Variants in ACER2 observed in about 807,000 individuals in gnomAD.
The protein encoded by ACER2 is alkaline ceramidase 2, also known as alkCDase 2.
Under a neutral mutation model 34.7 loss-of-function variants are expected in ACER2, and 26 were observed. The ratio of observed to expected loss-of-function variants is 0.75; its 90% CI spans 0.55 to 1.04. The LOEUF (loss-of-function observed/expected upper bound fraction) is 1.04, where lower values mean the gene tolerates loss of function less well. Among genes scored for constraint, ACER2 ranks in the 50% least tolerant of loss-of-function variants. The pLI is 0.00. For synonymous variants in ACER2, 138 were observed against 132.1 expected, an observed-to-expected ratio of 1.04 and a Z score of -0.31; for missense variants, 352 against 340.8, an observed-to-expected ratio of 1.03 and a Z score of -0.26.
intron 5 of ACER2, among the ~76,000 whole-genome samples, chr9:19,447,955 T>C (rs1056983490): frequency 9.7e-5 from 13 of 133,710 alleles, no homozygotes; most frequent in Non-Finnish European, 2.3e-4. Context: ...CGCACACATA[T>C]ATATGTCTAC....
intron 4 of ACER2, among the ~76,000 whole-genome samples, chr9:19,439,372 G>T (rs1159024512): frequency 7.5e-6 from 1 of 133,776 alleles, no homozygotes; most frequent in Non-Finnish European, 1.6e-5. Context: ...ACGTAGTCTC[G>T]CTCTGTCACC....
chr9:19,446,856 G>A (rs1025766299), intron 5 of ACER2, among the ~76,000 whole-genome samples: 11 of 152,116 alleles, frequency 7.2e-5, no homozygotes, highest in Admixed American at 2.0e-4. Flanking sequence ...GGGCCGCACT[G>A]GCCATTTAGA....
chr9:19,427,909 G>A (rs1326268118), intron 3 of ACER2, among the ~76,000 whole-genome samples: 1 of 152,000 alleles, frequency 6.6e-6, no homozygotes, highest in Non-Finnish European at 1.5e-5. Flanking sequence ...CTTGTGATCT[G>A]CCCACATTGG....
intron 3 of ACER2, among the ~76,000 whole-genome samples, chr9:19,434,312 C>G (rs1830878504): frequency 6.6e-6 from 1 of 151,968 alleles, no homozygotes; most frequent in Admixed American, 6.6e-5. Flanking sequence ...CAGAGGGGCT[C>G]CTCACATCCC....
chr9:19,422,214 T>C (rs1489990169), intron 1 of ACER2, among the ~76,000 whole-genome samples: 6 of 151,358 alleles, frequency 4.0e-5, no homozygotes. Flanking sequence ...GGCAGGAGGC[T>C]CCCTTAAGCC....
chr9:19,448,442 C>G (rs1010718929), intron 5 of ACER2, among the ~76,000 whole-genome samples: 1 of 152,080 alleles, frequency 6.6e-6, no homozygotes, highest in South Asian at 2.1e-4. Context: ...ATAATATGGA[C>G]ACTTTATAAT....
At chr9:19,432,030 C>G (rs372822857) in intron 3 of ACER2, among the ~76,000 whole-genome samples, 22 of 152,264 alleles carry the variant, frequency 1.4e-4, no homozygotes, top group Admixed American at 3.9e-4. Context: ...TCTAGTCCAG[C>G]CTTTTCGTTT....
intron 4 of ACER2, among the ~76,000 whole-genome samples, chr9:19,436,542 T>TA (rs900042441): frequency 3.4e-5 from 4 of 118,800 alleles, no homozygotes; most frequent in East Asian, 2.4e-4. Context: ...TTGCCATCTT[T>TA]AAAAAAAAAT....
intron 5 of ACER2, among the ~76,000 whole-genome samples, chr9:19,446,805 G>T (rs1206107967): frequency 1.3e-5 from 2 of 152,154 alleles, no homozygotes; most frequent in Non-Finnish European, 2.9e-5. Flanking sequence ...GTCCTCAGTG[G>T]GAACCCCACC....
chr9:19,409,321 G>C, intron 1 of ACER2, 129 bp downstream of exon 1: 1 of 813,440 alleles, frequency 1.2e-6, no homozygotes, highest in Non-Finnish European at 1.9e-6. Context: ...GGCTGAGTCA[G>C]TCCACACCCC....
intron 1 of ACER2, among the ~76,000 whole-genome samples, chr9:19,415,549 A>C (rs115717809): frequency 7.9e-5 from 12 of 151,714 alleles, no homozygotes; most frequent in African/African-American, 2.9e-4. Flanking sequence ...TTAAAAATTA[A>C]AAAAAAGTTT....
intron 4 of ACER2, 127 bp from the exon 5 acceptor site, chr9:19,446,154 G>T (rs746236133): frequency 1.5e-6 from 2 of 1,323,860 alleles, no homozygotes; most frequent in Non-Finnish European, 2.2e-6. Context: ...CTGTGTGTTG[G>T]GTAAGAACTT....
rs1219844804 is a variant in ACER2 at position 19,409,031 on chromosome 9, G to C, written c.-54G>C. On this transcript the variant is annotated 5_prime_UTR_variant, in exon 1 of 6. Transcript: ENST00000340967. ...GTCGCCGCGTTTTGCCTCCGCAGCA[G>C]CTCTGGGCTCTTCTCAGCTGCGCGA... 4.1e-6 allele frequency: 6 copies of C among 1,477,126 alleles called. No homozygotes were observed. Among genetic ancestry groups the C allele is most frequent in the Non-Finnish European group, 5.4e-6 (6 of 1,101,404 alleles). 91.5% of individuals were successfully genotyped at this position (1,477,126 alleles called of 1,614,324 possible).
intron 3 of ACER2, among the ~76,000 whole-genome samples, chr9:19,434,453 A>C (rs1355794492): frequency 6.6e-6 from 1 of 152,212 alleles, no homozygotes; most frequent in African/African-American, 2.4e-5. Flanking sequence ...GCGAGCCGAG[A>C]TCACGCCACT....
intron 3 of ACER2, among the ~76,000 whole-genome samples, chr9:19,432,642 ATATT>A: frequency 6.7e-6 from 1 of 148,284 alleles, no homozygotes; most frequent in Non-Finnish European, 1.5e-5. Context: ...ATTAATGCAC[ATATT>A]TAATTATACT....
intron 3 of ACER2, among the ~76,000 whole-genome samples, chr9:19,426,799 C>T (rs559563008): frequency 1.7e-4 from 26 of 152,000 alleles, no homozygotes; most frequent in Admixed American, 1.2e-3. Flanking sequence ...GGGTGGTGCA[C>T]GCCTGTAGTC....
At chr9:19,443,709 A>T (rs1441182965) in intron 4 of ACER2, among the ~76,000 whole-genome samples, 2 of 151,892 alleles carry the variant, frequency 1.3e-5, no homozygotes, top group African/African-American at 2.4e-5. Context: ...CTCAGGCTGG[A>T]GCAGTGGTGC....
intron 3 of ACER2, among the ~76,000 whole-genome samples, chr9:19,431,645 G>A (rs1372870749): frequency 6.6e-6 from 1 of 152,190 alleles, no homozygotes; most frequent in Non-Finnish European, 1.5e-5. Context: ...ACGAAGAACA[G>A]CAGCCGAGGC....
rs1831561453 is a variant in ACER2, at chr9:19,451,293, T to C, written c.*657T>C. The C allele has an allele frequency of 6.5e-6, 1 of 152,678 alleles. No individual in the cohort carries two copies. Among genetic ancestry groups the C allele is most frequent in the Non-Finnish European group, 1.5e-5 (1 of 68,070 alleles). The allele number at this position is 152,678 out of a possible 1,614,324, so 9.5% of individuals were successfully genotyped here. ...TCTGAGAGACAAGACCCTCTGACTC[T>C]GTGATGGAAGATGCCAGAGATTTTC... On this transcript the variant is annotated 3_prime_UTR_variant, in exon 6 of 6. Transcript: ENST00000340967.
Sources: gnomAD v4.1 joint callset for allele counts (sites outside exome capture counted in the v4.1 genomes callset) on GRCh38, gnomAD v4.1.1 for gene constraint, MANE v1.5 for transcripts, NCBI Gene and HGNC (gene_info 2026-07-23, HGNC 2026-07-21) for gene names.